LUZP4: variants seen among roughly 807,000 people sequenced by gnomAD.
LUZP4 encodes HOM-TES-85 tumor antigen.
Under a neutral mutation model 8.5 loss-of-function variants are expected in LUZP4, and 11 were observed. That is an observed-to-expected ratio of 1.30 (90% CI 0.82 to 2.14). The LOEUF (loss-of-function observed/expected upper bound fraction) is 2.14. Ranked by LOEUF, LUZP4 falls within the 30% of genes most tolerant of loss-of-function variation. The pLI is 0.00. For synonymous variants in LUZP4, 104 were observed against 79.4 expected, an observed-to-expected ratio of 1.31 and a Z score of -1.65; for missense variants, 276 against 229.7, an observed-to-expected ratio of 1.20 and a Z score of -1.30.
At chrX:115,291,220 C>G (rs1299075083) in intron 1 of LUZP4, among the ~76,000 whole-genome samples, 1 of 111,357 alleles carries the variant, frequency 9.0e-6, no homozygotes, top group South Asian at 3.8e-4. Context: ...CCACCTCAGC[C>G]TCTCGAGTAG....
chrX:115,300,720 C>G (rs925844200), intron 1 of LUZP4, among the ~76,000 whole-genome samples: 1 of 111,265 alleles, frequency 9.0e-6, no homozygotes, highest in South Asian at 3.9e-4. Context: ...AATTCAATGC[C>G]TCATGATTGC....
chrX:115,290,786 G>GGTGT (rs782661212), intron 1 of LUZP4, among the ~76,000 whole-genome samples: 1 of 108,213 alleles, frequency 9.2e-6, no homozygotes, highest in East Asian at 2.9e-4. Context: ...TTTAGTTAGG[G>GGTGT]GTGTGTGTGT....
At chrX:115,295,548 A>G (rs782434283) in intron 1 of LUZP4, among the ~76,000 whole-genome samples, 1 of 112,315 alleles carries the variant, frequency 8.9e-6, no homozygotes, top group Non-Finnish European at 1.9e-5. Context: ...AGATAACTAA[A>G]CACATGCTTT....
chrX:115,306,213 C>T lies in LUZP4; in HGVS notation c.351C>T (p.Cys117=), dbSNP rs782661847. 1 of 1,206,822 alleles carries T rather than the reference C, an allele frequency of 8.3e-7. No individual in the cohort carries two copies. Among genetic ancestry groups the T allele is most frequent in the Non-Finnish European group, 1.1e-6 (1 of 892,751 alleles). The change falls in exon 4 of 4, where the codon TGC becomes TGT. Residue 117 remains cysteine, a synonymous_variant. Coordinates refer to ENST00000371920, the MANE Select transcript of LUZP4 (RefSeq NM_016383.5). ...NGQPLIEQEK[C]SDNYEAQAEK... is the part of the protein sequence containing the mutation. The stretch of plus-strand genomic sequence containing the variant: ...ATTGGGATCCTTTTCAGGAGAAGTG[C>T]AGTGACAATTATGAGGCCCAAGCAG...
intron 1 of LUZP4, among the ~76,000 whole-genome samples, chrX:115,299,945 T>C (rs1184750845): frequency 1.8e-5 from 2 of 112,013 alleles, no homozygotes; most frequent in African/African-American, 6.5e-5. Context: ...TTCAAGGCAG[T>C]CGGTTCCCTT....
intron 3 of LUZP4, among the ~76,000 whole-genome samples, chrX:115,305,196 C>T (rs1556603278): frequency 1.8e-5 from 2 of 111,715 alleles, no homozygotes; most frequent in Admixed American, 9.5e-5. Context: ...TCCTACTGAC[C>T]CACTGTGCTC....
chrX:115,302,782 G>A (rs1312764117), intron 2 of LUZP4, among the ~76,000 whole-genome samples: 1 of 112,436 alleles, frequency 8.9e-6, no homozygotes, highest in Admixed American at 9.4e-5. Flanking sequence ...GAAGAGAAGC[G>A]ATGATAGTTA....
chrX:115,306,761 G>C lies in LUZP4; in HGVS notation c.899G>C (p.Arg300Thr). ...GGGAGATCTCATGGCCAATCAGAAA[G>C]ACATCAGAGATACTCAACAGGTAAA... The part of the protein sequence containing the change: ...QSGRSHGQSE[R>T]HQRYSTGKNT... The change falls in exon 4 of 4, where the codon AGA becomes ACA. Residue 300 changes from arginine to threonine, a missense_variant. Coordinates refer to ENST00000371920, the MANE Select transcript of LUZP4 (RefSeq NM_016383.5). 5 of 1,208,661 alleles carry C rather than the reference G, an allele frequency of 4.1e-6. No individual in the cohort carries two copies. Among genetic ancestry groups the C allele is most frequent in the Non-Finnish European group, 5.6e-6 (5 of 892,758 alleles).
intron 1 of LUZP4, 29 bp from the exon 2 acceptor site, chrX:115,301,963 A>T: frequency 3.8e-6 from 4 of 1,050,838 alleles, no homozygotes; most frequent in East Asian, 3.3e-5. Flanking sequence ...TTGCCATTTT[A>T]TTCATTTTTT....
chrX:115,306,591 TGATCTCATAGCCACTCAGAGA>T lies in LUZP4; in HGVS notation c.749_769del (p.Arg250_Gln256del), dbSNP rs782152205. ...AGGGAGATCTTGTGGACACTCAGAG[TGATCTCATAGCCACTCAGAGA>T]GATCTCATAGCCACTCAGAAAGATC... On this transcript the variant is annotated inframe_deletion, in exon 4 of 4. Transcript: ENST00000371920. 3.3e-5 allele frequency: 39 copies of T among 1,187,598 alleles called. No individual in the cohort carries two copies. Among genetic ancestry groups the T allele is most frequent in the East Asian group, 6.0e-5 (2 of 33,110 alleles).
At chrX:115,297,899 C>T (rs1035230006) in intron 1 of LUZP4, among the ~76,000 whole-genome samples, 1 of 109,193 alleles carries the variant, frequency 9.2e-6, no homozygotes, top group African/African-American at 3.3e-5. Flanking sequence ...ACCTCTGCCT[C>T]CCAGGTCCCC....
At chrX:115,298,990 G>C (rs2073383306) in intron 1 of LUZP4, among the ~76,000 whole-genome samples, 1 of 111,646 alleles carries the variant, frequency 9.0e-6, no homozygotes, top group Non-Finnish European at 1.9e-5. Context: ...TGTGATCTAA[G>C]CAGTTTCTAC....
At chrX:115,302,555 A>G (rs1363096421) in intron 2 of LUZP4, among the ~76,000 whole-genome samples, 5 of 112,879 alleles carry the variant, frequency 4.4e-5, no homozygotes, top group Non-Finnish European at 7.5e-5. Flanking sequence ...TGTCCTCTAT[A>G]TACTTAACCT....
rs142869093 is a variant in LUZP4 at position 115,306,304 on chromosome X, G to A, written c.442G>A (p.Glu148Lys). 1.6e-5 allele frequency: 19 copies of A among 1,209,343 alleles called. No individual in the cohort carries two copies. The African/African-American group carries it at 3.2e-4, about 20-fold the overall frequency. Residue 148 changes from glutamate to lysine, a missense_variant, in exon 4 of 4, where the codon GAA becomes AAA. By Grantham distance (56) the Glu-to-Lys change is moderately conservative. Transcript: ENST00000371920. ...QSEGNPDKSEESQGQPEENHH... is the reference protein window; with the variant it reads ...QSEGNPDKSEKSQGQPEENHH... ...AGAAGGAAATCCGGACAAATCAGAA[G>A]AATCCCAGGGCCAACCAGAAGAAAA... is the stretch of plus-strand genomic sequence containing the variant.
chrX:115,304,898 T>A (rs1013318217), intron 3 of LUZP4, among the ~76,000 whole-genome samples: 1 of 112,029 alleles, frequency 8.9e-6, no homozygotes, highest in Admixed American at 9.6e-5. Context: ...TTTACAATTC[T>A]ATTAAGCTAG....
chrX:115,306,906 A>G lies in LUZP4; in HGVS notation c.*102A>G. The G allele has an allele frequency of 1.3e-6, 1 of 772,127 alleles. No individual in the cohort carries two copies. Among genetic ancestry groups the G allele is most frequent in the East Asian group, 3.2e-5 (1 of 31,666 alleles). The allele number at this position is 772,127 out of a possible 1,213,427, so 63.6% of individuals were successfully genotyped here. On this transcript the variant is annotated 3_prime_UTR_variant, in exon 4 of 4. Transcript: ENST00000371920. ...TTGAAACATGTATATTGGGACAAAG[A>G]CATAAATATTAGAATGGAGGTAATA...
intron 1 of LUZP4, among the ~76,000 whole-genome samples, chrX:115,293,470 G>T (rs2073357118): frequency 9.1e-6 from 1 of 109,715 alleles, no homozygotes; most frequent in Non-Finnish European, 1.9e-5. Context: ...GTAGAGACGG[G>T]TTCTCACTAT....
chrX:115,293,518 T>G (rs1556597760), intron 1 of LUZP4, among the ~76,000 whole-genome samples: 1 of 110,895 alleles, frequency 9.0e-6, no homozygotes, highest in Non-Finnish European at 1.9e-5. Flanking sequence ...GCTCAAGCGA[T>G]CCATCCACCT....
At chrX:115,296,765 C>T (rs782039750) in intron 1 of LUZP4, among the ~76,000 whole-genome samples, 9 of 111,407 alleles carry the variant, frequency 8.1e-5, no homozygotes, top group African/African-American at 2.3e-4. Context: ...ATTAAAATTA[C>T]GTATGATTTC....
Sources: allele counts gnomAD v4.1 joint callset (sites outside exome capture counted in the v4.1 genomes callset), GRCh38; gene constraint gnomAD v4.1.1; transcripts MANE v1.5; gene names NCBI Gene and HGNC (gene_info 2026-07-23, HGNC 2026-07-21).